Variants in THBS2 observed in about 807,000 individuals in gnomAD.
The protein encoded by THBS2 is thrombospondin-2.
THBS2 carries 47 observed loss-of-function variants against 135.2 expected under a neutral mutation model. The ratio of observed to expected loss-of-function variants is 0.35; its 90% CI spans 0.28 to 0.44. The LOEUF (loss-of-function observed/expected upper bound fraction) is 0.44. Ranked by LOEUF, THBS2 falls within the 20% of genes least tolerant of loss-of-function variation. The probability of loss-of-function intolerance (pLI) is 1.00; values close to 1 mark genes in which losing one functional copy is unlikely to be tolerated. For synonymous variants in THBS2, 639 were observed against 633.8 expected (o/e 1.01, Z -0.12); for missense variants, 1,288 against 1,603.1 (o/e 0.80, Z 3.36).
At chr6:169,221,326 A>G in intron 20 of THBS2, 104 bp downstream of exon 20, 2 of 1,036,192 alleles carry the variant, frequency 1.9e-6, no homozygotes, top group African/African-American at 1.6e-5. Context: ...AGAGTAAAAC[A>G]AAAAGTTAGA....
chr6:169,237,912 G>A (rs1583415182), intron 7 of THBS2, 117 bp from the exon 8 acceptor site: 1 of 1,281,912 alleles, frequency 7.8e-7, no homozygotes, highest in Admixed American at 2.9e-5. Flanking sequence ...GGAATCTGAG[G>A]GGCCACTGCC....
At chr6:169,249,018 G>A in intron 2 of THBS2, 45 bp from the exon 3 acceptor site, 1 of 1,546,444 alleles carries the variant, frequency 6.5e-7, no homozygotes, top group East Asian at 2.3e-5. Flanking sequence ...AGGGGAAGAG[G>A]GCGAGGTTGG....
At chr6:169,238,373 C>A (rs1780180556) in intron 7 of THBS2, among the ~76,000 whole-genome samples, 1 of 152,176 alleles carries the variant, frequency 6.6e-6, no homozygotes, top group Non-Finnish European at 1.5e-5. Context: ...CGCCAGAAAT[C>A]ATTCCCGTGA....
chr6:169,220,982 T>C (rs1207152027), intron 20 of THBS2, among the ~76,000 whole-genome samples: 6 of 152,228 alleles, frequency 3.9e-5, no homozygotes, highest in Non-Finnish European at 8.8e-5. Flanking sequence ...ACATTTTGTT[T>C]GAATAAAAAT....
intron 3 of THBS2, among the ~76,000 whole-genome samples, chr6:169,248,085 G>GAGTACAC (rs1780615843): frequency 6.6e-6 from 1 of 151,976 alleles, no homozygotes; most frequent in African/African-American, 2.4e-5. Context: ...GTACATGTGT[G>GAGTACAC]ATGTATATAC....
intron 10 of THBS2, 49 bp from the exon 11 acceptor site, chr6:169,233,066 C>T: frequency 1.4e-6 from 2 of 1,460,484 alleles, no homozygotes; most frequent in South Asian, 1.4e-5. Flanking sequence ...CTGCGCAGCA[C>T]AGAAGGAAGC....
intron 21 of THBS2, among the ~76,000 whole-genome samples, 157 bp from the exon 22 acceptor site, chr6:169,217,986 G>GATGGATGAAATGGATGGGTGA: frequency 9.9e-6 from 1 of 101,358 alleles, no homozygotes; most frequent in South Asian, 2.5e-4. Flanking sequence ...TGGATGGGTG[G>GATGGATGAAATGGATGGGTGA]ATGGATGAGA....
At position 169,248,916 on chromosome 6, in the gene THBS2, C is replaced by A. The variant is rs150716666; in HGVS notation, c.110G>T (p.Arg37Leu). 5 of 1,613,596 alleles carry A rather than the reference C, an allele frequency of 3.1e-6. No individual in the cohort carries two copies. The South Asian group carries it at 3.3e-5, about 11-fold the overall frequency. ...FDLFSISNIN[R>L]KTIGAKQFRG... ...GAACTGCTTGGCGCCAATGGTCTTGCGGTTGATGTTGCTGATACTGAAAAG... is the reference window on the plus strand; with the variant it reads ...GAACTGCTTGGCGCCAATGGTCTTGAGGTTGATGTTGCTGATACTGAAAAG... The change falls in exon 3 of 22, where the codon CGC becomes CTC. Residue 37 changes from arginine to leucine, a missense_variant. By Grantham distance (102) the Arg-to-Leu change is moderately radical (BLOSUM62 -2). Coordinates refer to ENST00000617924, the MANE Select transcript of THBS2 (RefSeq NM_003247.5).
chr6:169,248,599 C>A lies in THBS2; in HGVS notation c.427G>T (p.Gly143Cys). The stretch of plus-strand genomic sequence containing the variant: ...TTCTTCCACTGCGAGTCAGCCAGGC[C>A]GACGTCCTCCAGGGAGACCACATGC... ...TRHVVSLEDVGLADSQWKNVT... is the reference protein window; with the variant it reads ...TRHVVSLEDVCLADSQWKNVT... Residue 143 changes from glycine (G) to cysteine (C), a missense_variant, in exon 3 of 22, where the codon GGC becomes TGC. Gly to Cys is a radical substitution (Grantham distance 159). Around this residue, in one of 2 missense-constraint regions of THBS2, gnomAD observed 414 missense variants for 447.0 expected, o/e 0.93. Transcript: ENST00000617924. The A allele has an allele frequency of 6.2e-7, 1 of 1,613,992 alleles. No homozygotes were observed. The highest frequency in any genetic ancestry group is 8.5e-7 in the Non-Finnish European group (1 of 1,180,030).
At chr6:169,234,960 C>T (rs1233512837) in intron 9 of THBS2, 53 bp from the exon 10 acceptor site, 5 of 1,540,950 alleles carry the variant, frequency 3.2e-6, no homozygotes, top group East Asian at 2.3e-5. Context: ...GGGTGGAGAA[C>T]GTGAGTTGGC....
chr6:169,244,589 TACAC>T (rs1304498542), intron 4 of THBS2, among the ~76,000 whole-genome samples: 2 of 121,658 alleles, frequency 1.6e-5, no homozygotes, highest in East Asian at 2.9e-4. Context: ...TTAGTGAAAA[TACAC>T]ACGCACGCAC....
At chr6:169,218,162 AGTGGGTGG>A (rs1779254243) in intron 21 of THBS2, among the ~76,000 whole-genome samples, 1 of 133,936 alleles carries the variant, frequency 7.5e-6, no homozygotes, top group African/African-American at 2.9e-5. Flanking sequence ...GGATGAAATG[AGTGGGTGG>A]ATGGATGGAT....
chr6:169,246,616 G>A (rs374205569), intron 3 of THBS2, among the ~76,000 whole-genome samples: 76 of 152,314 alleles, frequency 5.0e-4, no homozygotes, highest in African/African-American at 1.6e-3. Context: ...AAGGCCATTC[G>A]TTCCTTGCAA....
rs747785151 is a variant in THBS2 at position 169,232,850 on chromosome 6, C to A, written c.1780-34G>T. 7 of 1,607,208 alleles carry A rather than the reference C, an allele frequency of 4.4e-6. No homozygotes were observed. In the Admixed American group the frequency reaches 1.2e-4, roughly 27 times the overall value. On this transcript the variant is annotated intron_variant, in intron 11 of 21. Transcript: ENST00000617924. The stretch of plus-strand genomic sequence containing the variant: ...ACAAGCAGACATGAGAGGCCGCTCC[C>A]GACCTCAGGGCGCCCACAGCCCAGG...
chr6:169,242,052 C>T (rs1192287856), intron 4 of THBS2, 94 bp from the exon 5 acceptor site: 19 of 1,411,096 alleles, frequency 1.3e-5, no homozygotes, highest in Non-Finnish European at 1.6e-5. Context: ...CCCTGGCTCC[C>T]GGAGCGGCCT....
chr6:169,226,585 G>C (rs1009811869), intron 15 of THBS2, among the ~76,000 whole-genome samples: 1 of 152,160 alleles, frequency 6.6e-6, no homozygotes, highest in East Asian at 1.9e-4. Flanking sequence ...TGCTGTCGCC[G>C]TGTAAATCTG....
At chr6:169,223,594 C>CT in intron 17 of THBS2, 119 bp from the exon 18 acceptor site, 1 of 770,720 alleles carries the variant, frequency 1.3e-6, no homozygotes, top group Admixed American at 2.2e-5. Context: ...CCCAGAACAT[C>CT]TAAGACTGAG....
At chr6:169,245,243 C>T (rs1342867498) in intron 4 of THBS2, among the ~76,000 whole-genome samples, 2 of 149,994 alleles carry the variant, frequency 1.3e-5, no homozygotes, top group African/African-American at 4.8e-5. Context: ...CCCTTGGGTG[C>T]CAGCCTTCAT....
chr6:169,232,121 G>C lies in THBS2; in HGVS notation c.2010C>G (p.His670Gln). Residue 670 changes from histidine to glutamine, a missense_variant, in exon 13 of 22, where the codon CAC becomes CAG. This residue lies in a region of THBS2 where 874 missense variants were observed against 1,156.1 expected (regional missense o/e 0.76). Transcript: ENST00000617924. ...CGCACTTGTACATGGGGTCGCTGAA[G>C]TGGCCCAGGTAGATGCACTCCGCGT... is the stretch of plus-strand genomic sequence containing the variant. The part of the protein sequence containing the change: ...HKHAECIYLG[H>Q]FSDPMYKCEC... 6.2e-7 allele frequency: 1 copy of C among 1,614,144 alleles called. No individual in the cohort carries two copies. The highest frequency in any genetic ancestry group is 1.6e-4 in the Middle Eastern group (1 of 6,062).
Sources: gnomAD v4.1 joint callset for allele counts (sites outside exome capture counted in the v4.1 genomes callset) on GRCh38, gnomAD v4.1.1 for gene constraint, gnomAD v4.1.1 regional missense constraint, MANE v1.5 for transcripts, NCBI Gene and HGNC (gene_info 2026-07-23, HGNC 2026-07-21) for gene names.